The following PRKCE variants were observed in gnomAD, a reference collection of about 807,000 sequenced individuals.
PRKCE encodes the protein protein kinase C epsilon.
A neutral mutation model predicts 85.4 loss-of-function variants in PRKCE; 16 were observed. The ratio of observed to expected loss-of-function variants is 0.19; its 90% CI spans 0.13 to 0.28. The LOEUF is 0.28. PRKCE is among the 10% of genes least tolerant of loss of function. The pLI is 1.00. For missense variants in PRKCE, 573 were observed against 975.2 expected (o/e 0.59, Z 5.49); for synonymous variants, 388 against 371.5 (o/e 1.04, Z -0.51).
intron 2 of PRKCE, among the ~76,000 whole-genome samples, chr2:45,866,287 T>G (rs13014392): frequency 6.6e-6 from 1 of 152,126 alleles, no homozygotes; most frequent in African/African-American, 2.4e-5. Flanking sequence ...TTTTTATTTA[T>G]TTAATTAATT....
rs534873759 is a variant in PRKCE at position 45,711,292 on chromosome 2, C to A, written c.348+58844C>A. The stretch of plus-strand genomic sequence containing the variant: ...GACAACAGCTGCAAGGTACTTTCCA[C>A]AGTGCTGGGCATATAACAAACAAGA... On this transcript the variant is annotated intron_variant, in intron 1 of 14. Coordinates refer to ENST00000306156, the MANE Select transcript of PRKCE (RefSeq NM_005400.3). 2.6e-5 allele frequency among the ~76,000 whole-genome samples: 4 copies of A among 152,316 alleles called. No homozygotes were observed. In the South Asian group the frequency reaches 8.3e-4, roughly 32 times the overall value.
chr2:46,034,819 G>A (rs767561980), intron 10 of PRKCE, among the ~76,000 whole-genome samples: 3 of 152,258 alleles, frequency 2.0e-5, no homozygotes, highest in South Asian at 4.1e-4. Flanking sequence ...TGCCATGCAC[G>A]TATCAGAGGC....
At chr2:46,109,607 G>C (rs541435964) in intron 11 of PRKCE, among the ~76,000 whole-genome samples, 2 of 152,202 alleles carry the variant, frequency 1.3e-5, no homozygotes, top group East Asian at 3.9e-4. Context: ...TTTTGTCGAT[G>C]ATTTTGGATT....
At chr2:45,771,410 G>A (rs1685317151) in intron 1 of PRKCE, among the ~76,000 whole-genome samples, 1 of 152,096 alleles carries the variant, frequency 6.6e-6, no homozygotes, top group Non-Finnish European at 1.5e-5. Context: ...TCTCCCTGGC[G>A]CGGCCACCTC....
chr2:45,778,924 C>T (rs1685967393), intron 1 of PRKCE, among the ~76,000 whole-genome samples: 1 of 152,186 alleles, frequency 6.6e-6, no homozygotes, highest in Admixed American at 6.5e-5. Context: ...CGTGGATTTT[C>T]ACGTCTCCTT....
chr2:45,652,391 C>T lies in PRKCE; in HGVS notation c.291C>T (p.Asn97=). 6.2e-7 allele frequency: 1 copy of T among 1,612,764 alleles called. No individual in the cohort carries two copies. Residue 97 remains asparagine (N), a synonymous_variant, in exon 1 of 15, where the codon AAC becomes AAT. Transcript: ENST00000306156. This position sits in a 1 kb window ranked among gnomAD's most constrained non-coding sequence, Gnocchi z 7.7. ...TAGGCTACGACGACTTCGTGGCCAA[C>T]TGCACCATCCAGTTTGAGGAGCTGC... ...APIGYDDFVA[N]CTIQFEELLQ... is the part of the protein sequence containing the mutation.
At chr2:45,984,790 A>G in intron 6 of PRKCE, 110 bp downstream of exon 6, 1 of 1,454,182 alleles carries the variant, frequency 6.9e-7, no homozygotes, top group Non-Finnish European at 9.2e-7. Flanking sequence ...TTGGCCAAGA[A>G]CTGAGTGCAA....
chr2:45,984,199 A>G (rs1703129663), intron 5 of PRKCE, among the ~76,000 whole-genome samples: 1 of 151,952 alleles, frequency 6.6e-6, no homozygotes, highest in African/African-American at 2.4e-5. Context: ...CAGCCTCCCA[A>G]AATGCTGGGA....
intron 2 of PRKCE, among the ~76,000 whole-genome samples, chr2:45,912,969 C>G (rs1008511835): frequency 2.6e-5 from 4 of 152,040 alleles, no homozygotes; most frequent in Non-Finnish European, 5.9e-5. Context: ...GTGACATTAT[C>G]AAAAATATCT....
intron 10 of PRKCE, among the ~76,000 whole-genome samples, chr2:46,063,763 A>C (rs1367412578): frequency 6.6e-6 from 1 of 152,188 alleles, no homozygotes; most frequent in African/African-American, 2.4e-5. Flanking sequence ...AATCCTTACC[A>C]GCAACTCCTT....
chr2:45,759,316 G>A (rs577468411), intron 1 of PRKCE, among the ~76,000 whole-genome samples: 2 of 152,338 alleles, frequency 1.3e-5, no homozygotes, highest in South Asian at 4.1e-4. Flanking sequence ...TGGGCATAAG[G>A]AGCACATTAG....
chr2:45,789,470 T>G (rs996770552), intron 1 of PRKCE, among the ~76,000 whole-genome samples: 1 of 152,212 alleles, frequency 6.6e-6, no homozygotes, highest in Non-Finnish European at 1.5e-5. Flanking sequence ...GGCATGTAAC[T>G]CATCACTGTA....
At chr2:45,969,940 C>T (rs994307134) in intron 2 of PRKCE, among the ~76,000 whole-genome samples, 1 of 152,190 alleles carries the variant, frequency 6.6e-6, no homozygotes, top group Admixed American at 6.5e-5. Flanking sequence ...ATTCATCAGA[C>T]CATTGGCCTA....
intron 2 of PRKCE, among the ~76,000 whole-genome samples, chr2:45,866,465 G>A (rs1381026023): frequency 6.6e-6 from 1 of 152,122 alleles, no homozygotes; most frequent in Non-Finnish European, 1.5e-5. Context: ...CGGCCACCAT[G>A]CCTGGCTAAT....
At chr2:46,000,038 T>C (rs1704540753) in intron 6 of PRKCE, among the ~76,000 whole-genome samples, 1 of 152,218 alleles carries the variant, frequency 6.6e-6, no homozygotes, top group Non-Finnish European at 1.5e-5. Flanking sequence ...CTTAGCATAT[T>C]AATCATAGTT....
At chr2:46,039,509 G>A (rs545275401) in intron 10 of PRKCE, among the ~76,000 whole-genome samples, 24 of 151,946 alleles carry the variant, frequency 1.6e-4, no homozygotes, top group Non-Finnish European at 2.6e-4. Flanking sequence ...CTGTATTCGT[G>A]GGGTTTTTTT....
In PRKCE at chr2:45,652,086, C is replaced by CAA; in HGVS notation, c.-15_-14insAA. ...GCAGACGGAGTGACCCCGGCCCCCA[C>CAA]TCCCCGCCCCGACCATGGTAGTGTT... is the stretch of plus-strand genomic sequence containing the variant. On this transcript the variant is annotated 5_prime_UTR_variant, in exon 1 of 15. Coordinates refer to ENST00000306156, the MANE Select transcript of PRKCE (RefSeq NM_005400.3). This position sits in a 1 kb window ranked among gnomAD's most constrained non-coding sequence, Gnocchi z 7.7. 6.0e-6 allele frequency: 9 copies of CAA among 1,512,504 alleles called. No individual in the cohort carries two copies. Among genetic ancestry groups the CAA allele is most frequent in the Admixed American group, 2.0e-5 (1 of 49,912 alleles). 93.7% of individuals were successfully genotyped at this position (1,512,504 alleles called of 1,614,324 possible).
chr2:45,694,712 T>C (rs981301377), intron 1 of PRKCE, among the ~76,000 whole-genome samples: 1 of 152,104 alleles, frequency 6.6e-6, no homozygotes, highest in Non-Finnish European at 1.5e-5. Flanking sequence ...GGGTAAGACA[T>C]GGAATAGCAT....
chr2:45,716,684 AAGAAGAGAAG>A (rs1296569759), intron 1 of PRKCE, among the ~76,000 whole-genome samples: 2 of 116,808 alleles, frequency 1.7e-5, no homozygotes, highest in Non-Finnish European at 3.8e-5. Context: ...GAAGAAGAAG[AAGAAGAGAAG>A]GAAGGAAGGA....
Sources: allele counts gnomAD v4.1 joint callset (sites outside exome capture counted in the v4.1 genomes callset), GRCh38; gene constraint gnomAD v4.1.1; non-coding constraint Gnocchi (gnomAD v3.1); transcripts MANE v1.5; gene names NCBI Gene and HGNC (gene_info 2026-07-23, HGNC 2026-07-21).